SCUBE1: variants seen among roughly 807,000 people sequenced by gnomAD.
The protein encoded by SCUBE1 is signal peptide, CUB domain and EGF like domain containing 1.
In SCUBE1, 59 loss-of-function variants were observed where a neutral mutation model predicts 124.4. The observed-to-expected ratio is 0.47, with a 90% CI of 0.38 to 0.59. The LOEUF is 0.59. Ranked by LOEUF, SCUBE1 falls within the 20% of genes least tolerant of loss-of-function variation. The probability of loss-of-function intolerance (pLI) is 0.00; values close to 1 mark genes in which losing one functional copy is unlikely to be tolerated. For synonymous variants in SCUBE1, 545 were observed against 550.9 expected (o/e 0.99, Z 0.15); for missense variants, 1,150 against 1,371.2 (o/e 0.84, Z 2.55).
intron 1 of SCUBE1, among the ~76,000 whole-genome samples, chr22:43,340,943 G>C (rs1410499324): frequency 1.3e-5 from 2 of 152,148 alleles, no homozygotes; most frequent in Admixed American, 1.3e-4. Flanking sequence ...GATAATATCT[G>C]GGTTCGAAAT....
chr22:43,262,919 G>A, intron 4 of SCUBE1, 74 bp from the exon 5 acceptor site: 1 of 1,522,700 alleles, frequency 6.6e-7, no homozygotes, highest in South Asian at 1.1e-5. Flanking sequence ...AGGCTGAAAG[G>A]GGATAGCCAA....
At chr22:43,308,620 T>C (rs552867438) in intron 3 of SCUBE1, among the ~76,000 whole-genome samples, 27 of 152,384 alleles carry the variant, frequency 1.8e-4, no homozygotes, top group African/African-American at 5.8e-4. Context: ...AAGGCCGCGA[T>C]GGCGCAGGCC....
intron 6 of SCUBE1, among the ~76,000 whole-genome samples, chr22:43,250,838 C>T (rs536468387): frequency 7.2e-5 from 11 of 152,302 alleles, no homozygotes; most frequent in Middle Eastern, 6.8e-3. Flanking sequence ...CTGCTGATGT[C>T]GTGCCCACAG....
chr22:43,215,937 G>C (rs1467624461), intron 15 of SCUBE1, among the ~76,000 whole-genome samples: 1 of 152,116 alleles, frequency 6.6e-6, no homozygotes, highest in East Asian at 1.9e-4. Flanking sequence ...GTGGGAGACG[G>C]GGCAGATGTG....
intron 12 of SCUBE1, among the ~76,000 whole-genome samples, chr22:43,222,066 A>T (rs1271842371): frequency 6.6e-6 from 1 of 152,142 alleles, no homozygotes; most frequent in South Asian, 2.1e-4. Flanking sequence ...TCCGTTTTAA[A>T]AATAATAATA....
At chr22:43,252,068 A>C (rs1180088945) in intron 6 of SCUBE1, among the ~76,000 whole-genome samples, 1 of 152,218 alleles carries the variant, frequency 6.6e-6, no homozygotes, top group East Asian at 1.9e-4. Flanking sequence ...TTGTAATGGG[A>C]GTCTACAATT....
At chr22:43,239,938 T>C (rs1922936333) in intron 6 of SCUBE1, among the ~76,000 whole-genome samples, 1 of 152,200 alleles carries the variant, frequency 6.6e-6, no homozygotes, top group South Asian at 2.1e-4. Flanking sequence ...GTTTACTCTG[T>C]TCCTGTGCTG....
chr22:43,311,262 T>C (rs1444626476), intron 3 of SCUBE1, among the ~76,000 whole-genome samples: 2 of 152,198 alleles, frequency 1.3e-5, no homozygotes, highest in African/African-American at 2.4e-5. Flanking sequence ...TTCTCCTCTA[T>C]GTAAGTTCAT....
chr22:43,303,630 C>T (rs1373701627), intron 3 of SCUBE1, among the ~76,000 whole-genome samples: 2 of 152,254 alleles, frequency 1.3e-5, no homozygotes, highest in Non-Finnish European at 2.9e-5. Context: ...CGCAGGCCTC[C>T]CCACAGCCAA....
intron 3 of SCUBE1, among the ~76,000 whole-genome samples, chr22:43,305,508 C>G (rs950150463): frequency 1.3e-5 from 2 of 152,102 alleles, no homozygotes. Context: ...GGAGGAGGTT[C>G]TCCAGGTAGG....
chr22:43,283,558 C>T (rs1404650458), intron 4 of SCUBE1: 3 of 152,228 alleles, frequency 2.0e-5, no homozygotes, highest in Admixed American at 2.0e-4. Flanking sequence ...CTTTCATTCT[C>T]ACAAGTGTAC....
intron 21 of SCUBE1, among the ~76,000 whole-genome samples, chr22:43,204,892 C>T (rs746236008): frequency 4.7e-5 from 7 of 149,262 alleles, no homozygotes; most frequent in Non-Finnish European, 1.0e-4. Flanking sequence ...TGCAGTGAGC[C>T]GAGAGTGTGC....
Position 43,221,161 on chromosome 22 carries a change from C to A in SCUBE1, c.1549+12G>T, listed in dbSNP as rs534247913. On this transcript the variant is annotated intron_variant, in intron 13 of 21. Transcript: ENST00000360835. ...CCGTTGGTGTGGGTTAGGAGCAGGG[C>A]GTCCCACTCACCCAGCAGCGGCTGC... 6 of 1,594,504 alleles carry A rather than the reference C, an allele frequency of 3.8e-6. No homozygotes were observed. Among genetic ancestry groups the A allele is most frequent in the East Asian group, 4.5e-5 (2 of 44,824 alleles).
Position 43,212,509 on chromosome 22 carries a change from C to A in SCUBE1, c.2137G>T (p.Gly713Trp), listed in dbSNP as rs140515412. ...CCACAGGGGAAGCAGCCGGTGCGCC[C>A]GGGCTCAGGCTGGTACGTGCCCACG... is the stretch of plus-strand genomic sequence containing the variant. ...CPVGTYQPEP[G>W]RTGCFPCGGG... Residue 713 changes from glycine (G) to tryptophan (W), a missense_variant, in exon 17 of 22, where the codon GGG becomes TGG. Around this residue, in one of 3 missense-constraint regions of SCUBE1, gnomAD observed 757 missense variants for 840.9 expected, o/e 0.90. Transcript: ENST00000360835. 2.6e-6 allele frequency: 4 copies of A among 1,557,614 alleles called. No individual in the cohort carries two copies. The highest frequency in any genetic ancestry group is 3.9e-5 in the Admixed American group (2 of 51,862).
intron 3 of SCUBE1, among the ~76,000 whole-genome samples, chr22:43,301,004 C>A (rs1925751155): frequency 2.6e-5 from 4 of 152,160 alleles, no homozygotes; most frequent in Admixed American, 2.6e-4. Context: ...TAGAATGAGA[C>A]AAAGCTCAGT....
intron 5 of SCUBE1, among the ~76,000 whole-genome samples, chr22:43,259,289 A>G (rs1450980514): frequency 6.6e-6 from 1 of 152,230 alleles, no homozygotes. Flanking sequence ...AATGTGCACC[A>G]GGGCCTCAGT....
chr22:43,214,042 C>CCCCCCT, intron 16 of SCUBE1, 48 bp downstream of exon 16: 1 of 431,208 alleles, frequency 2.3e-6, no homozygotes, highest in Non-Finnish European at 4.0e-6. Context: ...ACAGGAGGAG[C>CCCCCCT]CCCCGCCCAC....
intron 4 of SCUBE1, among the ~76,000 whole-genome samples, chr22:43,265,207 C>G (rs1309083498): frequency 6.6e-6 from 1 of 152,198 alleles, no homozygotes; most frequent in Admixed American, 6.5e-5. Flanking sequence ...AGTTTTCTCC[C>G]TCGTCGTGGA....
In SCUBE1 at chr22:43,210,259, G is replaced by A. The variant is rs372037973; in HGVS notation, c.2384-19C>T. On this transcript the variant is annotated intron_variant, in intron 18 of 21. Coordinates refer to ENST00000360835, the MANE Select transcript of SCUBE1 (RefSeq NM_173050.5). This position sits in a 1 kb window ranked among gnomAD's most constrained non-coding sequence, Gnocchi z 4.5. ...TGCTGGTCTGTGGGCACAGTGGCCC[G>A]AGGGCCTCATCAGGCTCTGCTGGGC... 18 of 1,500,748 alleles carry A rather than the reference G, an allele frequency of 1.2e-5. No homozygotes were observed. Among genetic ancestry groups the A allele is most frequent in the South Asian group, 2.6e-5 (2 of 76,508 alleles). The allele number at this position is 1,500,748 out of a possible 1,614,324, so 93.0% of individuals were successfully genotyped here. A position where few individuals can be genotyped will look rare whatever the true frequency, so the allele number is the denominator to read the frequency against.
Sources: gnomAD v4.1 joint callset for allele counts (sites outside exome capture counted in the v4.1 genomes callset) on GRCh38, gnomAD v4.1.1 for gene constraint, gnomAD v4.1.1 regional missense constraint, Gnocchi (gnomAD v3.1) non-coding constraint, MANE v1.5 for transcripts, NCBI Gene and HGNC (gene_info 2026-07-23, HGNC 2026-07-21) for gene names.